The following OTUD4 variants were observed in gnomAD, a reference collection of about 807,000 sequenced individuals.
OTUD4 encodes OTU domain-containing protein 4.
In OTUD4, 24 loss-of-function variants were observed where a neutral mutation model predicts 130.4. The observed-to-expected ratio is 0.18, with a 90% CI of 0.13 to 0.26. The LOEUF is 0.26. Ranked by LOEUF, OTUD4 falls within the 10% of genes least tolerant of loss-of-function variation. The pLI, the probability that OTUD4 is intolerant of heterozygous loss-of-function variation, is 1.00. For missense variants in OTUD4, 1,031 were observed against 1,329.4 expected, an observed-to-expected ratio of 0.78 and a Z score of 3.49; for synonymous variants, 420 against 472.5, an observed-to-expected ratio of 0.89 and a Z score of 1.44.
At position 145,152,558 on chromosome 4, in the gene OTUD4, A is replaced by C; in HGVS notation, c.951T>G (p.Val317=). 6.2e-7 allele frequency: 1 copy of C among 1,601,696 alleles called. No individual in the cohort carries two copies. The highest frequency in any genetic ancestry group is 8.6e-7 in the Non-Finnish European group (1 of 1,169,582). The part of the protein sequence containing the change: ...GIHSENGPVL[V]EELGKKHTSK... ...GTACATACTTCTTTCCCAGTTCTTC[A>C]ACCAAAACTGGTCCATTCTCAGAAT... Residue 317 remains valine (V), a synonymous_variant, in exon 11 of 21, where the codon GTT becomes GTG. Coordinates refer to ENST00000447906, the MANE Select transcript of OTUD4 (RefSeq NM_001366057.1).
chr4:145,175,852 A>G (rs1398716551), intron 1 of OTUD4, among the ~76,000 whole-genome samples: 1 of 150,738 alleles, frequency 6.6e-6, no homozygotes, highest in Non-Finnish European at 1.5e-5. Flanking sequence ...AGCCTGAAAC[A>G]ACTATTTCTT....
intron 2 of OTUD4, among the ~76,000 whole-genome samples, chr4:145,172,089 T>A (rs1752198110): frequency 6.6e-6 from 1 of 152,158 alleles, no homozygotes; most frequent in Non-Finnish European, 1.5e-5. Context: ...TCTGGCCAGC[T>A]GGAGCAGGAC....
chr4:145,174,471 C>T (rs1157282046), intron 2 of OTUD4, among the ~76,000 whole-genome samples, 190 bp downstream of exon 2: 1 of 152,096 alleles, frequency 6.6e-6, no homozygotes, highest in Non-Finnish European at 1.5e-5. Flanking sequence ...AAATGCAAAA[C>T]ATAAAATAGC....
At position 145,137,487 on chromosome 4, in the gene OTUD4, A is replaced by C. The variant is rs137923285; in HGVS notation, c.3288T>G (p.Phe1096Leu). 293 of 1,612,548 alleles carry C rather than the reference A, an allele frequency of 1.8e-4. 1 individual carries two copies. In the East Asian group the frequency reaches 5.4e-3, roughly 30 times the overall value. ...TCCCTGATCTCCTCCTATCTCCCCT[A>C]AATGGTCGCCCTCTGACATTTCGAT... The part of the protein sequence containing the change: ...QYHRNVRGRP[F>L]RGDRRRSGMG... Residue 1096 changes from phenylalanine (F) to leucine (L), a missense_variant, in exon 21 of 21, where the codon TTT becomes TTG. Phe to Leu is a conservative substitution (Grantham distance 22). Coordinates refer to ENST00000447906, the MANE Select transcript of OTUD4 (RefSeq NM_001366057.1).
intron 13 of OTUD4, 87 bp downstream of exon 13, chr4:145,150,426 A>C: frequency 3.3e-6 from 3 of 900,362 alleles, no homozygotes; most frequent in Non-Finnish European, 3.5e-6. Flanking sequence ...GTAAAAAGTT[A>C]TAATTATTCA....
intron 1 of OTUD4, chr4:145,179,509 C>T: frequency 1.3e-6 from 1 of 774,630 alleles, no homozygotes; most frequent in South Asian, 3.4e-5. Flanking sequence ...TATCATGTCG[C>T]CAGGTCCCCA....
chr4:145,163,701 AC>A (rs1403290088), intron 5 of OTUD4, among the ~76,000 whole-genome samples: 6 of 142,868 alleles, frequency 4.2e-5, no homozygotes, highest in Middle Eastern at 3.3e-3. Context: ...ATTAATAGGA[AC>A]CTTTTTTTTT....
At chr4:145,163,767 T>C (rs1176323054) in intron 5 of OTUD4, among the ~76,000 whole-genome samples, 1 of 149,212 alleles carries the variant, frequency 6.7e-6, no homozygotes, top group East Asian at 2.0e-4. Context: ...AGTGCAATGG[T>C]GTGATCTCGG....
rs2126761427 is a variant in OTUD4 at position 145,150,709 on chromosome 4, G to A, written c.1073-10C>T. ...CCTCTGTAATCCACATCTGTTGTAAGAACCCAAAAGTACATGATAATATTC... is the reference window on the plus strand; with the variant it reads ...CCTCTGTAATCCACATCTGTTGTAAAAACCCAAAAGTACATGATAATATTC... On this transcript the variant is annotated splice_polypyrimidine_tract_variant and intron_variant, in intron 12 of 20. Transcript: ENST00000447906. 1 of 1,606,566 alleles carries A rather than the reference G, an allele frequency of 6.2e-7. No individual in the cohort carries two copies.
rs1750300814 is a variant in OTUD4, at chr4:145,136,934, T to A, written c.*496A>T. 1 of 152,784 alleles carries A rather than the reference T, an allele frequency of 6.5e-6. No individual in the cohort carries two copies. 9.5% of individuals were successfully genotyped at this position (152,784 alleles called of 1,614,324 possible). A position where few individuals can be genotyped will look rare whatever the true frequency, so the allele number is the denominator to read the frequency against. On this transcript the variant is annotated 3_prime_UTR_variant, in exon 21 of 21. Transcript: ENST00000447906. ...AACAGTGTTTTAGGCTGAGAATTGT[T>A]TGAGCCCAGTTTATGACTAAGGCAT... is the stretch of plus-strand genomic sequence containing the variant.
intron 1 of OTUD4, among the ~76,000 whole-genome samples, chr4:145,179,038 A>G (rs1752562010): frequency 6.6e-6 from 1 of 152,132 alleles, no homozygotes; most frequent in African/African-American, 2.4e-5. Context: ...TACAACACAC[A>G]GTGTTATATA....
intron 4 of OTUD4, among the ~76,000 whole-genome samples, chr4:145,164,927 G>A (rs868763147): frequency 3.3e-5 from 5 of 151,860 alleles, no homozygotes; most frequent in South Asian, 2.1e-4. Flanking sequence ...AACATAGACC[G>A]GAAAAATTTC....
At chr4:145,139,846 A>G (rs1049923492) in intron 20 of OTUD4, 105 bp downstream of exon 20, 11 of 446,362 alleles carry the variant, frequency 2.5e-5, no homozygotes, top group African/African-American at 1.5e-4. Context: ...GATGAGATTT[A>G]GTAAACTTTA....
chr4:145,153,429 C>G (rs1000486905), intron 10 of OTUD4, among the ~76,000 whole-genome samples: 5 of 152,122 alleles, frequency 3.3e-5, no homozygotes, highest in Non-Finnish European at 5.9e-5. Flanking sequence ...ACCTACGTCA[C>G]AGAACTCATG....
Position 145,166,303 on chromosome 4 carries a change from G to A in OTUD4, c.295-1106C>T, listed in dbSNP as rs36224533. Among the ~76,000 whole-genome samples, 645 of 152,244 alleles carry A rather than the reference G, an allele frequency of 4.2e-3. 3 individuals are homozygous for A. Among genetic ancestry groups the A allele is most frequent in the African/African-American group, 0.014 (591 of 41,556 alleles). On this transcript the variant is annotated intron_variant, in intron 3 of 20. Transcript: ENST00000447906. ...CCTAGCAATTGTTTTGAAAACAAGA[G>A]AAATTCTACACTCCTTAGAAAAGTC...
rs1750299052 is a variant in OTUD4, at chr4:145,136,880, G to T, written c.*550C>A. On this transcript the variant is annotated 3_prime_UTR_variant, in exon 21 of 21. Transcript: ENST00000447906. ...AGTTTGACAGATATTGAGATGAAAG[G>T]CCTTTGGGTTGGAAGCATTTTAAAA... is the stretch of plus-strand genomic sequence containing the variant. 1 of 152,702 alleles carries T rather than the reference G, an allele frequency of 6.5e-6. No homozygotes were observed. Among genetic ancestry groups the T allele is most frequent in the Non-Finnish European group, 1.5e-5 (1 of 68,104 alleles). The allele number at this position is 152,702 out of a possible 1,614,324, so 9.5% of individuals were successfully genotyped here. A position where few individuals can be genotyped will look rare whatever the true frequency, so the allele number is the denominator to read the frequency against.
At chr4:145,152,424 T>C (rs972442100) in intron 11 of OTUD4, 117 bp downstream of exon 11, 4 of 635,430 alleles carry the variant, frequency 6.3e-6, no homozygotes, top group Admixed American at 3.0e-5. Flanking sequence ...ATATACTTTC[T>C]ATACATGGGC....
intron 6 of OTUD4, 99 bp from the exon 7 acceptor site, chr4:145,159,734 T>TA: frequency 8.9e-7 from 1 of 1,122,736 alleles, no homozygotes; most frequent in Non-Finnish European, 1.3e-6. Context: ...TGCTCAGGCT[T>TA]TTAAAATCCT....
At chr4:145,173,130 G>A (rs536034572) in intron 2 of OTUD4, among the ~76,000 whole-genome samples, 19 of 152,250 alleles carry the variant, frequency 1.2e-4, no homozygotes, top group African/African-American at 4.1e-4. Flanking sequence ...GGTGGCTCAC[G>A]CCTGTAATCC....
Sources: allele counts gnomAD v4.1 joint callset (sites outside exome capture counted in the v4.1 genomes callset), GRCh38; gene constraint gnomAD v4.1.1; transcripts MANE v1.5; gene names NCBI Gene and HGNC (gene_info 2026-07-23, HGNC 2026-07-21).